The following DGKI variants were observed in gnomAD, a reference collection of about 807,000 sequenced individuals.
The protein encoded by DGKI is diacylglycerol kinase iota, also known as DAG kinase iota.
In DGKI, 55 loss-of-function variants were observed where a neutral mutation model predicts 147.5. The observed-to-expected ratio is 0.37, with a 90% CI of 0.30 to 0.47. The LOEUF (loss-of-function observed/expected upper bound fraction) is 0.47. Among genes scored for constraint, DGKI ranks in the 20% least tolerant of loss-of-function variants. The pLI is 1.00. For synonymous variants in DGKI, 469 were observed against 477.1 expected (o/e 0.98, Z 0.22); for missense variants, 1,007 against 1,323.8 (o/e 0.76, Z 3.71).
chr7:137,658,475 T>C (rs1486807316), intron 3 of DGKI, among the ~76,000 whole-genome samples: 1 of 152,192 alleles, frequency 6.6e-6, no homozygotes, highest in Non-Finnish European at 1.5e-5. Context: ...CCTAGTAAAT[T>C]ACATTGTGGA....
chr7:137,453,079 CT>C (rs1422437784), intron 27 of DGKI: 1 of 152,204 alleles, frequency 6.6e-6, no homozygotes, highest in Non-Finnish European at 1.5e-5. Context: ...GAAACCTCAT[CT>C]TTTTCTTCTG....
At chr7:137,559,544 ATAG>A in intron 19 of DGKI, among the ~76,000 whole-genome samples, 1 of 152,308 alleles carries the variant, frequency 6.6e-6, no homozygotes, top group East Asian at 1.9e-4. Flanking sequence ...ATTAAAAAAA[ATAG>A]TAGCAATTAT....
chr7:137,760,872 G>A (rs1403479954), intron 1 of DGKI, among the ~76,000 whole-genome samples: 3 of 152,084 alleles, frequency 2.0e-5, no homozygotes, highest in Non-Finnish European at 2.9e-5. Context: ...AGTCCAGAGG[G>A]ACGACATTTC....
intron 1 of DGKI, among the ~76,000 whole-genome samples, chr7:137,732,797 C>T (rs1255956653): frequency 1.3e-5 from 2 of 151,836 alleles, no homozygotes; most frequent in African/African-American, 4.8e-5. Context: ...GTGGCCTCCC[C>T]GCCCCACATA....
At chr7:137,740,622 C>T (rs150491960) in intron 1 of DGKI, among the ~76,000 whole-genome samples, 1 of 152,164 alleles carries the variant, frequency 6.6e-6, no homozygotes, top group Non-Finnish European at 1.5e-5. Flanking sequence ...CTCCCCTACC[C>T]GATATCCCCG....
At chr7:137,721,262 A>G (rs1313928625) in intron 1 of DGKI, among the ~76,000 whole-genome samples, 1 of 152,204 alleles carries the variant, frequency 6.6e-6, no homozygotes, top group Non-Finnish European at 1.5e-5. Flanking sequence ...CCTACAATGA[A>G]TGTCTTTCTG....
intron 1 of DGKI, among the ~76,000 whole-genome samples, chr7:137,743,349 GCATACTGTAAAAAGTAC>G (rs1450215641): frequency 2.0e-5 from 3 of 152,204 alleles, no homozygotes; most frequent in African/African-American, 7.2e-5. Flanking sequence ...TGCACATGGA[GCATACTGTAAAAAGTAC>G]CACATGCTTG....
chr7:137,385,623 G>A lies in DGKI; in HGVS notation c.*5597C>T, dbSNP rs962292341. The A allele has an allele frequency of 6.6e-6, 1 of 152,044 alleles. No individual in the cohort carries two copies. Among genetic ancestry groups the A allele is most frequent in the African/African-American group, 2.4e-5 (1 of 41,410 alleles). The allele number at this position is 152,044 out of a possible 1,614,324, so 9.4% of individuals were successfully genotyped here. A position where few individuals can be genotyped will look rare whatever the true frequency, so the allele number is the denominator to read the frequency against. The stretch of plus-strand genomic sequence containing the variant: ...CTTATTTTTCCTAGTTCTATCCTGA[G>A]AGCTAGAATAAATCAGTCTTAGCTT... On this transcript the variant is annotated 3_prime_UTR_variant, in exon 33 of 33. Coordinates refer to ENST00000614521, the MANE Select transcript of DGKI (RefSeq NM_001321708.2).
At chr7:137,422,706 G>T (rs529586741) in intron 28 of DGKI, among the ~76,000 whole-genome samples, 1 of 132,392 alleles carries the variant, frequency 7.6e-6, no homozygotes, top group Non-Finnish European at 1.6e-5. Flanking sequence ...CCGGGTTCAC[G>T]CAATTCTCCT....
chr7:137,823,072 A>T (rs1797950180), intron 1 of DGKI, among the ~76,000 whole-genome samples: 1 of 152,074 alleles, frequency 6.6e-6, no homozygotes, highest in Non-Finnish European at 1.5e-5. Context: ...AAAAAAAAAA[A>T]ATACCAGACA....
At chr7:137,442,045 A>G (rs1414337025) in intron 28 of DGKI, among the ~76,000 whole-genome samples, 2 of 152,216 alleles carry the variant, frequency 1.3e-5, no homozygotes, top group Non-Finnish European at 2.9e-5. Flanking sequence ...TATATGGGCT[A>G]GAAAATGATG....
At chr7:137,825,663 TACACACACTCACAC>T (rs1563215382) in intron 1 of DGKI, among the ~76,000 whole-genome samples, 1 of 150,038 alleles carries the variant, frequency 6.7e-6, no homozygotes, top group African/African-American at 2.5e-5. Context: ...CTCACACACA[TACACACACTCACAC>T]ACACACATAC....
intron 12 of DGKI, among the ~76,000 whole-genome samples, chr7:137,588,546 C>T (rs1287303658): frequency 1.3e-5 from 2 of 148,612 alleles, no homozygotes; most frequent in Non-Finnish European, 1.5e-5. Context: ...GCAAGATCTC[C>T]GCTCACTGCA....
intron 1 of DGKI, among the ~76,000 whole-genome samples, chr7:137,808,475 T>G (rs1293157340): frequency 1.3e-5 from 2 of 152,178 alleles, no homozygotes. Flanking sequence ...CAGTGCTGCC[T>G]CATAAAGTGT....
chr7:137,721,881 A>G, intron 1 of DGKI: 1 of 698,384 alleles, frequency 1.4e-6, no homozygotes, highest in Non-Finnish European at 2.3e-6. Context: ...TTTGCCCAGA[A>G]TGCTAACTTC....
At chr7:137,748,444 T>C (rs1795408867) in intron 1 of DGKI, among the ~76,000 whole-genome samples, 1 of 152,062 alleles carries the variant, frequency 6.6e-6, no homozygotes, top group African/African-American at 2.4e-5. Context: ...ATAGTATTCA[T>C]ACATATATCT....
intron 22 of DGKI, among the ~76,000 whole-genome samples, chr7:137,486,742 G>C (rs936129623): frequency 5.9e-5 from 9 of 152,098 alleles, no homozygotes; most frequent in African/African-American, 2.2e-4. Flanking sequence ...TTACAACTCA[G>C]AGGGATTTTA....
intron 1 of DGKI, among the ~76,000 whole-genome samples, chr7:137,835,382 G>A (rs1434972964): frequency 6.6e-6 from 1 of 152,074 alleles, no homozygotes; most frequent in East Asian, 1.9e-4. Flanking sequence ...AATATGTTGA[G>A]GTGGCTATTT....
At chr7:137,474,257 C>T (rs779245812) in intron 23 of DGKI, among the ~76,000 whole-genome samples, 14 of 152,178 alleles carry the variant, frequency 9.2e-5, no homozygotes, top group Non-Finnish European at 1.5e-4. Flanking sequence ...GCCCTTGAAT[C>T]TATTCCATGT....
Sources: allele counts gnomAD v4.1 joint callset (sites outside exome capture counted in the v4.1 genomes callset), GRCh38; gene constraint gnomAD v4.1.1; transcripts MANE v1.5; gene names NCBI Gene and HGNC (gene_info 2026-07-23, HGNC 2026-07-21).